The following PHKA1 variants were observed in gnomAD, a reference collection of about 807,000 sequenced individuals.
PHKA1 encodes phosphorylase kinase regulatory subunit alpha 1.
A neutral mutation model predicts 110.2 loss-of-function variants in PHKA1; 60 were observed. The ratio of observed to expected loss-of-function variants is 0.54; its 90% CI spans 0.44 to 0.68. PHKA1 has a LOEUF of 0.68. PHKA1 is among the 30% of genes least tolerant of loss of function. PHKA1 has a pLI of 0.00. For synonymous variants in PHKA1, 316 were observed against 333.6 expected (o/e 0.95, Z 0.58); for missense variants, 801 against 942.5 (o/e 0.85, Z 1.97).
chrX:72,628,142 T>A (rs1286991606), intron 16 of PHKA1, among the ~76,000 whole-genome samples: 1 of 111,073 alleles, frequency 9.0e-6, no homozygotes, highest in East Asian at 2.8e-4. Context: ...CCTACACTTT[T>A]AACAACAATG....
intron 5 of PHKA1, among the ~76,000 whole-genome samples, chrX:72,678,191 G>T (rs1222173638): frequency 8.9e-6 from 1 of 111,813 alleles, no homozygotes; most frequent in Non-Finnish European, 1.9e-5. Flanking sequence ...TGGTTTACTT[G>T]ATCAGAAAAT....
At chrX:72,660,800 A>G (rs1467303159) in intron 8 of PHKA1, 1 of 226,629 alleles carries the variant, frequency 4.4e-6, no homozygotes, top group Non-Finnish European at 8.3e-6. Context: ...TTTAAATACA[A>G]TACTGACAGA....
At chrX:72,655,995 T>C (rs2053492701) in intron 10 of PHKA1, 125 bp downstream of exon 10, 1 of 734,597 alleles carries the variant, frequency 1.4e-6, no homozygotes, top group Admixed American at 2.3e-5. Flanking sequence ...ACTAGTAGCC[T>C]GTAGGGAACA....
Position 72,636,306 on chromosome X carries a change from G to A in PHKA1, c.1540C>T (p.Arg514Trp), listed in dbSNP as rs181530232. ...GGAGTGAAAGTAAAGATAGTTTTCC[G>A]AATGTCATAGAGTTTTGAAGTTCCA... ...VLGTSKLYDIRKTIFTFTPQF... is the reference protein window; with the variant it reads ...VLGTSKLYDIWKTIFTFTPQF... Residue 514 changes from arginine (R) to tryptophan (W), a missense_variant, in exon 15 of 32, where the codon CGG (arginine) becomes TGG (tryptophan). Arg to Trp is a moderately radical substitution (Grantham distance 101). Coordinates refer to ENST00000373542, the MANE Select transcript of PHKA1 (RefSeq NM_002637.4). 12 of 1,197,048 alleles carry A rather than the reference G, an allele frequency of 1.0e-5. No homozygotes were observed. The highest frequency in any genetic ancestry group is 7.0e-5 in the African/African-American group (4 of 56,952).
chrX:72,679,002 CCA>C (rs1194955766), intron 5 of PHKA1, among the ~76,000 whole-genome samples: 1 of 112,256 alleles, frequency 8.9e-6, no homozygotes, highest in Non-Finnish European at 1.9e-5. Flanking sequence ...ACACAGAAAA[CCA>C]CAGAAATCTG....
chrX:72,673,294 A>G (rs1457961219), intron 6 of PHKA1, among the ~76,000 whole-genome samples: 3 of 111,921 alleles, frequency 2.7e-5, no homozygotes, highest in African/African-American at 9.8e-5. Context: ...CTGGTTCAGA[A>G]AAAAACAATT....
At chrX:72,591,777 T>C (rs2147657827) in intron 29 of PHKA1, among the ~76,000 whole-genome samples, 1 of 112,385 alleles carries the variant, frequency 8.9e-6, no homozygotes, top group East Asian at 2.8e-4. Context: ...TTAATTACTG[T>C]ACACTGCATG....
rs189099823 is a variant in PHKA1, at chrX:72,691,797, C to T, written c.454+3911G>A. Among the ~76,000 whole-genome samples, 5 of 112,040 alleles carry T rather than the reference C, an allele frequency of 4.5e-5. No individual in the cohort carries two copies. In the East Asian group the frequency reaches 1.1e-3, roughly 25 times the overall value. The stretch of plus-strand genomic sequence containing the variant: ...TCCTTAGGATTTCTCTATGTAAGAA[C>T]GTATCATCTGCAAATGGAGATAATT... On this transcript the variant is annotated intron_variant, in intron 4 of 31. Transcript: ENST00000373542.
At chrX:72,700,702 C>G (rs1334169287) in intron 3 of PHKA1, among the ~76,000 whole-genome samples, 2 of 110,942 alleles carry the variant, frequency 1.8e-5, no homozygotes, top group Non-Finnish European at 3.8e-5. Context: ...TTGTTTTGGT[C>G]CTTTTTAGAA....
chrX:72,627,811 CTTTTT>C (rs1160541868), intron 16 of PHKA1, among the ~76,000 whole-genome samples: 2 of 67,869 alleles, frequency 2.9e-5, no homozygotes, highest in African/African-American at 7.2e-5. Flanking sequence ...TTTTCCTACA[CTTTTT>C]TTTTTTTTTT....
chrX:72,661,010 A>C (rs149880521), intron 8 of PHKA1, among the ~76,000 whole-genome samples: 1,472 of 112,512 alleles, frequency 0.013, 17 homozygotes, highest in African/African-American at 0.034. Context: ...GAAATTTAGC[A>C]GTTCCAAGCT....
In PHKA1 at chrX:72,618,773, T is replaced by C; in HGVS notation, c.2306A>G (p.Gln769Arg). Residue 769 changes from glutamine (Q) to arginine (R), a missense_variant, in exon 21 of 32, where the codon CAG becomes CGG. Gln to Arg is a conservative substitution (Grantham distance 43). Around this residue, in one of 2 missense-constraint regions of PHKA1, gnomAD observed 502 missense variants for 519.2 expected, o/e 0.97. Transcript: ENST00000373542. ...CTGTAAGCTTGAGGTCTCCTTCAAC[T>C]GTAAAACCAGTGCTTTAAAGTCCAC... Reference protein sequence around the residue: ...GEVDFKALVLQLKETSSLQEQ... With the variant: ...GEVDFKALVLRLKETSSLQEQ... 8.4e-7 allele frequency: 1 copy of C among 1,195,273 alleles called. No individual in the cohort carries two copies. Among genetic ancestry groups the C allele is most frequent in the Non-Finnish European group, 1.1e-6 (1 of 880,406 alleles).
Position 72,581,157 on chromosome X carries a change from C to G in PHKA1, c.3517G>C (p.Asp1173His). The stretch of plus-strand genomic sequence containing the variant: ...GCGGGATCCTTTGCCAACATGGTAT[C>G]ATCTGCGCCAAGGGTTTTCTGTTTG... ...LQEQKTLGADDTMLAKDPASG... is the reference protein window; with the variant it reads ...LQEQKTLGADHTMLAKDPASG... The change falls in exon 32 of 32, where the codon GAT becomes CAT. Residue 1173 changes from aspartate (D) to histidine (H), a missense_variant. Asp to His is a moderately conservative substitution (Grantham distance 81, BLOSUM62 -1). Transcript: ENST00000373542. The G allele has an allele frequency of 8.4e-7, 1 of 1,193,416 alleles. No individual in the cohort carries two copies. The highest frequency in any genetic ancestry group is 1.1e-6 in the Non-Finnish European group (1 of 879,089).
intron 14 of PHKA1, among the ~76,000 whole-genome samples, chrX:72,643,531 G>A (rs1459149582): frequency 8.9e-6 from 1 of 111,838 alleles, no homozygotes; most frequent in Non-Finnish European, 1.9e-5. Flanking sequence ...CCTTCTGGAG[G>A]CTCCAGGGAA....
intron 18 of PHKA1, chrX:72,621,633 T>C (rs781908107): frequency 8.6e-6 from 2 of 232,559 alleles, no homozygotes; most frequent in African/African-American, 3.0e-5. Flanking sequence ...AGTCTTCTGG[T>C]TTTTGATGAT....
At chrX:72,590,735 T>C (rs782549889) in intron 29 of PHKA1, among the ~76,000 whole-genome samples, 1 of 111,588 alleles carries the variant, frequency 9.0e-6, no homozygotes, top group East Asian at 2.8e-4. Flanking sequence ...AACAACCCCA[T>C]CAAAAAGTGG....
chrX:72,713,696 A>ACC, intron 1 of PHKA1, 107 bp downstream of exon 1: 1 of 611,950 alleles, frequency 1.6e-6, no homozygotes. Flanking sequence ...ACACACACAC[A>ACC]CACACCCACA....
rs781916276 is a variant in PHKA1, at chrX:72,611,134, C to G, written c.2420G>C (p.Arg807Thr). The G allele has an allele frequency of 1.7e-6, 2 of 1,203,808 alleles. No individual in the cohort carries two copies. Among genetic ancestry groups the G allele is most frequent in the Admixed American group, 4.4e-5 (2 of 45,573 alleles). Reference sequence around the variant, plus strand: ...GCCATACAGCTCGGTAAGAAGCTCTCTCACTGTAGCACTCCGTTCATTATA... The same window carrying G: ...GCCATACAGCTCGGTAAGAAGCTCTGTCACTGTAGCACTCCGTTCATTATA... ...ELYNERSATVRELLTELYGKV... is the reference protein window; with the variant it reads ...ELYNERSATVTELLTELYGKV... Residue 807 changes from arginine to threonine, a missense_variant, in exon 22 of 32, where the codon AGA becomes ACA. Physicochemically the swap from Arg to Thr is moderately conservative, Grantham distance 71. Around this residue, in one of 2 missense-constraint regions of PHKA1, gnomAD observed 502 missense variants for 519.2 expected, o/e 0.97. Coordinates refer to ENST00000373542, the MANE Select transcript of PHKA1 (RefSeq NM_002637.4).
intron 23 of PHKA1, 146 bp from the exon 24 acceptor site, chrX:72,605,765 C>A: frequency 2.0e-6 from 1 of 507,418 alleles, no homozygotes. Context: ...TTTCAAACTT[C>A]AAAGCTCATT....
Sources: allele counts gnomAD v4.1 joint callset (sites outside exome capture counted in the v4.1 genomes callset), GRCh38; gene constraint gnomAD v4.1.1; regional missense constraint gnomAD v4.1.1; transcripts MANE v1.5; gene names NCBI Gene and HGNC (gene_info 2026-07-23, HGNC 2026-07-21).